NFX1: variants seen among roughly 807,000 people sequenced by gnomAD.
NFX1 encodes the protein transcriptional repressor NF-X1.
NFX1 carries 69 observed loss-of-function variants against 137.2 expected under a neutral mutation model. That is an observed-to-expected ratio of 0.50 (90% CI 0.41 to 0.61). The LOEUF (loss-of-function observed/expected upper bound fraction) is 0.61, where lower values mean the gene tolerates loss of function less well. Among genes scored for constraint, NFX1 ranks in the 20% least tolerant of loss-of-function variants. The pLI is 0.00. For missense variants in NFX1, 1,167 were observed against 1,391.0 expected (o/e 0.84, Z 2.56); for synonymous variants, 495 against 474.1 (o/e 1.04, Z -0.57).
At chr9:33,333,460 G>C (rs1822886553) in intron 11 of NFX1, among the ~76,000 whole-genome samples, 1 of 152,194 alleles carries the variant, frequency 6.6e-6, no homozygotes, top group South Asian at 2.1e-4. Context: ...TCTCCTCGTG[G>C]GTATGTTAGC....
intron 23 of NFX1, among the ~76,000 whole-genome samples, chr9:33,368,246 A>G (rs561185210): frequency 1.3e-5 from 2 of 152,148 alleles, no homozygotes; most frequent in East Asian, 3.9e-4. Context: ...CAAAAAAAAA[A>G]GAATAGTTAC....
intron 21 of NFX1, among the ~76,000 whole-genome samples, chr9:33,366,318 C>T (rs1323757902): frequency 1.3e-5 from 2 of 152,056 alleles, no homozygotes; most frequent in Non-Finnish European, 2.9e-5. Flanking sequence ...GAATATCACC[C>T]ACTCCCCAGT....
At chr9:33,323,378 A>G (rs1364221856) in intron 9 of NFX1, among the ~76,000 whole-genome samples, 1 of 152,244 alleles carries the variant, frequency 6.6e-6, no homozygotes, top group Non-Finnish European at 1.5e-5. Context: ...AAACAGGGAA[A>G]AAAACAGGCA....
At chr9:33,348,812 CGTG>C (rs1173973092) in intron 15 of NFX1, 1 of 981,558 alleles carries the variant, frequency 1.0e-6, no homozygotes, top group East Asian at 1.1e-4. Context: ...AACCACCAGA[CGTG>C]GTACACATTT....
intron 9 of NFX1, among the ~76,000 whole-genome samples, chr9:33,326,580 C>T (rs1481335873): frequency 6.6e-6 from 1 of 151,948 alleles, no homozygotes; most frequent in Non-Finnish European, 1.5e-5. Flanking sequence ...ATTACCCAGA[C>T]ATGGTGGTAT....
intron 5 of NFX1, among the ~76,000 whole-genome samples, chr9:33,307,920 C>T (rs1269620750): frequency 6.6e-6 from 1 of 151,408 alleles, no homozygotes; most frequent in Non-Finnish European, 1.5e-5. Context: ...CCTCCCACCT[C>T]ATCCTCCTGA....
At chr9:33,302,818 C>T (rs1177932744) in intron 3 of NFX1, among the ~76,000 whole-genome samples, 1 of 151,856 alleles carries the variant, frequency 6.6e-6, no homozygotes, top group African/African-American at 2.4e-5. Context: ...TACAGGCGCG[C>T]ACCACCACGC....
chr9:33,317,434 AAG>A lies in NFX1; in HGVS notation c.1589-1295_1589-1294del, dbSNP rs1491035897. 2.4e-4 allele frequency among the ~76,000 whole-genome samples: 36 copies of A among 148,460 alleles called. 5 individuals carry two copies. Among genetic ancestry groups the A allele is most frequent in the Admixed American group, 4.7e-4 (7 of 14,900 alleles). ...GCCCTGTCTCCAAAAAAAAAAAAAA[AAG>A]AAAGAAAGAAAAGAAAAGAAATTGC... On this transcript the variant is annotated intron_variant, in intron 7 of 23. Transcript: ENST00000379540.
intron 2 of NFX1, 50 bp from the exon 3 acceptor site, chr9:33,301,213 G>T (rs1821550671): frequency 6.5e-7 from 1 of 1,534,624 alleles, no homozygotes; most frequent in East Asian, 2.3e-5. Flanking sequence ...AGTGAGGAAT[G>T]GTTTTTTGTG....
At chr9:33,324,362 G>A (rs1309777314) in intron 9 of NFX1, among the ~76,000 whole-genome samples, 1 of 152,030 alleles carries the variant, frequency 6.6e-6, no homozygotes, top group South Asian at 2.1e-4. Context: ...CTGGACGAGG[G>A]AGTAAGACTC....
chr9:33,360,580 A>G (rs553132532), intron 19 of NFX1, among the ~76,000 whole-genome samples: 2 of 152,204 alleles, frequency 1.3e-5, no homozygotes, highest in Non-Finnish European at 2.9e-5. Context: ...AAAAAATGCA[A>G]ATTTAAAGAA....
chr9:33,347,139 C>T (rs768936628), intron 15 of NFX1, 22 bp downstream of exon 15: 1 of 1,563,098 alleles, frequency 6.4e-7, no homozygotes, highest in Non-Finnish European at 8.8e-7. Context: ...CTCTCAAGTG[C>T]TCATTGTTCC....
chr9:33,305,710 C>A (rs1257285763), intron 4 of NFX1, among the ~76,000 whole-genome samples: 1 of 152,092 alleles, frequency 6.6e-6, no homozygotes, highest in African/African-American at 2.4e-5. Context: ...GGGAGTCACC[C>A]AAAGTTTCAT....
Position 33,367,508 on chromosome 9 carries a change from T to A in NFX1, c.3186-7T>A. The A allele has an allele frequency of 6.2e-7, 1 of 1,613,496 alleles. No individual in the cohort carries two copies. The highest frequency in any genetic ancestry group is 8.5e-7 in the Non-Finnish European group (1 of 1,179,562). Reference sequence around the variant, plus strand: ...TTTTCAATGCTTGGTGTTTTGACTTTTATCAGGGGGAAGTCCGTTTGTCCT... The same window carrying A: ...TTTTCAATGCTTGGTGTTTTGACTTATATCAGGGGGAAGTCCGTTTGTCCT... On this transcript the variant is annotated splice_region_variant and splice_polypyrimidine_tract_variant and intron_variant, in intron 22 of 23. Transcript: ENST00000379540.
chr9:33,338,903 TG>T (rs1197940431), intron 12 of NFX1, among the ~76,000 whole-genome samples: 1 of 152,196 alleles, frequency 6.6e-6, no homozygotes, highest in Non-Finnish European at 1.5e-5. Flanking sequence ...GGCAGAAGAT[TG>T]TGTGTTGTCC....
chr9:33,319,192 T>C, intron 9 of NFX1, 65 bp downstream of exon 9: 2 of 1,379,076 alleles, frequency 1.5e-6, no homozygotes, highest in South Asian at 2.4e-5. Flanking sequence ...CAGTGAGTGT[T>C]TAAGCAATGT....
intron 11 of NFX1, among the ~76,000 whole-genome samples, chr9:33,333,999 G>T (rs964581139): frequency 1.3e-5 from 2 of 152,084 alleles, no homozygotes; most frequent in African/African-American, 4.8e-5. Context: ...ACAAAAATTA[G>T]CCAAGTACAG....
At chr9:33,350,149 C>CA (rs1228656131) in intron 15 of NFX1, among the ~76,000 whole-genome samples, 1 of 151,800 alleles carries the variant, frequency 6.6e-6, no homozygotes. Flanking sequence ...ACTAAAAATA[C>CA]AAAAATTAGC....
chr9:33,325,069 TAGAA>T (rs1243867636), intron 9 of NFX1, among the ~76,000 whole-genome samples: 1 of 150,264 alleles, frequency 6.7e-6, no homozygotes, highest in Non-Finnish European at 1.5e-5. Flanking sequence ...AGGAGGAGAG[TAGAA>T]AGAAGTGGAA....
Sources: gnomAD v4.1 joint callset for allele counts (sites outside exome capture counted in the v4.1 genomes callset) on GRCh38, gnomAD v4.1.1 for gene constraint, MANE v1.5 for transcripts, NCBI Gene and HGNC (gene_info 2026-07-23, HGNC 2026-07-21) for gene names.